The following DUSP15 variants were observed in gnomAD, a reference collection of about 807,000 sequenced individuals.
The protein encoded by DUSP15 is dual specificity protein phosphatase 15.
In DUSP15, 23 loss-of-function variants were observed where a neutral mutation model predicts 26.3. The observed-to-expected ratio is 0.87, with a 90% CI of 0.63 to 1.24. The LOEUF is 1.24. Ranked by LOEUF, DUSP15 falls within the 50% of genes most tolerant of loss-of-function variation. The pLI, the probability that DUSP15 is intolerant of heterozygous loss-of-function variation, is 0.00. For synonymous variants in DUSP15, 143 were observed against 135.5 expected, an observed-to-expected ratio of 1.06 and a Z score of -0.39; for missense variants, 364 against 320.6, an observed-to-expected ratio of 1.14 and a Z score of -1.03.
At chr20:31,862,788 C>T in intron 5 of DUSP15, 46 bp from the exon 6 acceptor site, 4 of 1,533,524 alleles carry the variant, frequency 2.6e-6, no homozygotes, top group Non-Finnish European at 3.5e-6. Context: ...GATCCAATGT[C>T]CTCCATGCCC....
At chr20:31,868,230 G>A (rs902153211) in intron 2 of DUSP15, among the ~76,000 whole-genome samples, 5 of 152,098 alleles carry the variant, frequency 3.3e-5, no homozygotes, top group Non-Finnish European at 7.4e-5. Flanking sequence ...GCCCTTATGG[G>A]GCCTGCACAC....
chr20:31,846,891 T>C (rs2062383442), downstream of DUSP15, among the ~76,000 whole-genome samples: 1 of 152,156 alleles, frequency 6.6e-6, no homozygotes, highest in African/African-American at 2.4e-5. Context: ...CAGGTTCCCC[T>C]TACACAGAAT....
chr20:31,868,043 C>T (rs893498860), intron 2 of DUSP15, among the ~76,000 whole-genome samples: 1 of 152,184 alleles, frequency 6.6e-6, no homozygotes, highest in Non-Finnish European at 1.5e-5. Flanking sequence ...AGGATGTACC[C>T]AACAGTGGCC....
rs367769068 is a variant in DUSP15, at chr20:31,869,361, C to T, written c.55+203G>A. Among the ~76,000 whole-genome samples, 36 of 152,338 alleles carry T rather than the reference C, an allele frequency of 2.4e-4. No individual in the cohort carries two copies. In the East Asian group the frequency reaches 6.6e-3, roughly 28 times the overall value. On this transcript the variant is annotated intron_variant, in intron 2 of 6. Transcript: ENST00000339738. The stretch of plus-strand genomic sequence containing the variant: ...GATGTCAGTGTCAGGCCCCCATGCT[C>T]CCTCCATGTCCCTTCAAGCCTGGGG...
At chr20:31,849,014 G>T in intron 8 of DUSP15, 1 of 834,518 alleles carries the variant, frequency 1.2e-6, no homozygotes, top group Non-Finnish European at 1.9e-6. Flanking sequence ...AGTCCTGTAA[G>T]CCCACATCCC....
chr20:31,863,549 T>C (rs924523132), intron 5 of DUSP15: 1 of 222,060 alleles, frequency 4.5e-6, no homozygotes, highest in African/African-American at 2.3e-5. Flanking sequence ...CCCTGCACCA[T>C]CACCTCCAAG....
chr20:31,848,928 G>A (rs2062415254), intron 8 of DUSP15: 4 of 1,585,858 alleles, frequency 2.5e-6, no homozygotes, highest in African/African-American at 1.4e-5. Context: ...ACAATTATAC[G>A]ACACTGAGAC....
chr20:31,861,478 C>A lies in DUSP15; in HGVS notation c.633G>T (p.Pro211=). Residue 211 remains proline, a synonymous_variant, in exon 7 of 7, where the codon CCG becomes CCT. Coordinates refer to ENST00000339738, the MANE Select transcript of DUSP15 (RefSeq NM_080611.5). ...VPRTPREAHR[P]LPLLARVKQT... ...GCTTGACGCGCGCCAGCAGCGGCAG[C>A]GGCCGGTGGGCTTCCCGGGGCGTGC... 6.5e-7 allele frequency: 1 copy of A among 1,542,656 alleles called. No homozygotes were observed. The highest frequency in any genetic ancestry group is 8.7e-7 in the Non-Finnish European group (1 of 1,154,756).
intron 4 of DUSP15, chr20:31,864,454 C>T (rs149707753): frequency 1.9e-6 from 2 of 1,036,346 alleles, no homozygotes; most frequent in Non-Finnish European, 2.3e-6. Flanking sequence ...AAACAAAAAT[C>T]CCGTTTTCTG....
At chr20:31,848,263 C>T (rs979204233) in exon 10 of DUSP15, 38 of 980,094 alleles carry the variant, frequency 3.9e-5, no homozygotes, top group Non-Finnish European at 5.0e-5. Flanking sequence ...TCCGGGGCCC[C>T]GTGACAGAGG....
chr20:31,864,979 C>G lies in DUSP15; in HGVS notation c.162G>C (p.Pro54=), dbSNP rs4911536. ...TGGGTACCTCAGGGGTATCAGCGACCGGGATGCGAAGGTAGGTGATATCCT... is the reference window on the plus strand; with the variant it reads ...TGGGTACCTCAGGGGTATCAGCGACGGGGATGCGAAGGTAGGTGATATCCT... ...LLQDITYLRI[P]VADTPEVPIK... The change falls in exon 4 of 7, where the codon CCG becomes CCC. Residue 54 remains proline, a synonymous_variant. Coordinates refer to ENST00000339738, the MANE Select transcript of DUSP15 (RefSeq NM_080611.5). 1.9e-6 allele frequency: 3 copies of G among 1,613,674 alleles called. No individual in the cohort carries two copies. The highest frequency in any genetic ancestry group is 8.5e-7 in the Non-Finnish European group (1 of 1,179,906).
At chr20:31,852,798 C>G (rs1297277402) in intron 6 of DUSP15, among the ~76,000 whole-genome samples, 2 of 152,050 alleles carry the variant, frequency 1.3e-5, no homozygotes, top group African/African-American at 4.8e-5. Flanking sequence ...GTGACAAGAG[C>G]GAAACTCCGT....
chr20:31,864,896 C>T, intron 4 of DUSP15, 57 bp downstream of exon 4: 7 of 1,576,384 alleles, frequency 4.4e-6, no homozygotes, highest in Non-Finnish European at 5.2e-6. Context: ...CCCTCCCCCT[C>T]CCCCACCACA....
At chr20:31,845,593 C>T (rs2062370449), downstream of DUSP15, 1 of 1,593,624 alleles carries the variant, frequency 6.3e-7, no homozygotes, top group Non-Finnish European at 8.6e-7. Context: ...GCTCAGCTTC[C>T]AGGGCTGGCG....
chr20:31,862,666 C>T lies in DUSP15; in HGVS notation c.340G>A (p.Val114Met), dbSNP rs531419522. The change falls in exon 6 of 7, where the codon GTG (valine) becomes ATG (methionine). Residue 114 changes from valine to methionine, a missense_variant. Physicochemically the swap from Val to Met is conservative, Grantham distance 21. Transcript: ENST00000339738. Reference protein sequence around the residue: ...MTVTGLGWRDVLEAIKATRPI... With the variant: ...MTVTGLGWRDMLEAIKATRPI... ...CTGGTGGCCTTGATGGCTTCAAGCA[C>T]GTCCCGCCAGCCTAGCCCCGTCACA... The T allele has an allele frequency of 6.2e-6, 10 of 1,614,144 alleles. No homozygotes were observed. Among genetic ancestry groups the T allele is most frequent in the African/African-American group, 1.3e-5 (1 of 75,046 alleles).
downstream of DUSP15, chr20:31,845,665 G>A: frequency 8.4e-7 from 1 of 1,196,712 alleles, no homozygotes; most frequent in Admixed American, 2.5e-5. Context: ...AGCCTGGAAA[G>A]GCAAAAAGGG....
chr20:31,851,280 G>A (rs1214352353), intron 6 of DUSP15, among the ~76,000 whole-genome samples: 5 of 152,006 alleles, frequency 3.3e-5, no homozygotes, highest in Non-Finnish European at 5.9e-5. Context: ...ATGCTGATGC[G>A]GGGGTGGGGG....
chr20:31,867,902 C>T (rs2062811097), intron 2 of DUSP15, among the ~76,000 whole-genome samples: 1 of 151,988 alleles, frequency 6.6e-6, no homozygotes, highest in Non-Finnish European at 1.5e-5. Flanking sequence ...GCCTTGGCCT[C>T]CCAAAGTGCT....
chr20:31,849,241 G>A (rs2062421241), intron 8 of DUSP15, among the ~76,000 whole-genome samples: 1 of 151,908 alleles, frequency 6.6e-6, no homozygotes, highest in East Asian at 1.9e-4. Context: ...ATGTACCGAA[G>A]CCCTATTCTT....
Sources: allele counts gnomAD v4.1 joint callset (sites outside exome capture counted in the v4.1 genomes callset), GRCh38; gene constraint gnomAD v4.1.1; transcripts MANE v1.5; gene names NCBI Gene and HGNC (gene_info 2026-07-23, HGNC 2026-07-21).